The following ITGB5 variants were observed in gnomAD, a reference collection of about 807,000 sequenced individuals.
ITGB5 encodes the protein integrin beta-5.
Under a neutral mutation model 84.8 loss-of-function variants are expected in ITGB5, and 38 were observed. That is an observed-to-expected ratio of 0.45 (90% confidence interval 0.35 to 0.59). ITGB5 has a LOEUF of 0.59. Among genes scored for constraint, ITGB5 ranks in the 20% least tolerant of loss-of-function variants. The pLI, the probability that ITGB5 is intolerant of heterozygous loss-of-function variation, is 0.01. For synonymous variants in ITGB5, 393 were observed against 414.4 expected, an observed-to-expected ratio of 0.95 and a Z score of 0.63; for missense variants, 905 against 1,034.5, an observed-to-expected ratio of 0.87 and a Z score of 1.72.
intron 10 of ITGB5, among the ~76,000 whole-genome samples, chr3:124,776,695 C>T (rs1559927272): frequency 1.3e-5 from 2 of 152,236 alleles, no homozygotes; most frequent in Admixed American, 1.3e-4. Context: ...ATCCCCACAA[C>T]ACAAACATAT....
At chr3:124,820,196 C>T (rs1168579284) in intron 6 of ITGB5, among the ~76,000 whole-genome samples, 2 of 152,204 alleles carry the variant, frequency 1.3e-5, no homozygotes, top group Non-Finnish European at 2.9e-5. Flanking sequence ...TACCCTCTGT[C>T]ATCAGTGCCT....
At chr3:124,890,014 C>CTCAA (rs150213602), upstream of ITGB5, among the ~76,000 whole-genome samples, 5,478 of 151,736 alleles carry the variant, frequency 0.036, 316 homozygotes, top group African/African-American at 0.12. Context: ...GAGACTCTGT[C>CTCAA]TCAATCAATC....
intron 11 of ITGB5, chr3:124,770,214 G>GC (rs1018761023): frequency 2.0e-5 from 3 of 152,368 alleles, no homozygotes; most frequent in African/African-American, 7.2e-5. Flanking sequence ...GGAGGAGTGG[G>GC]CTGGGGCATG....
intron 2 of ITGB5, among the ~76,000 whole-genome samples, chr3:124,865,333 A>G (rs55642528): frequency 0.03 from 4,615 of 152,160 alleles, 234 homozygotes; most frequent in African/African-American, 0.11. Context: ...CTGCTTGCAG[A>G]TGCTCCCCAT....
chr3:124,838,374 TTC>T, intron 5 of ITGB5, among the ~76,000 whole-genome samples: 1 of 152,200 alleles, frequency 6.6e-6, no homozygotes, highest in East Asian at 1.9e-4. Flanking sequence ...TCCACATTTT[TTC>T]TTTCTTTTGT....
chr3:124,818,022 C>G (rs1012585452), intron 7 of ITGB5, among the ~76,000 whole-genome samples: 13 of 151,992 alleles, frequency 8.6e-5, no homozygotes, highest in Non-Finnish European at 1.6e-4. Flanking sequence ...TGTAAAAGCC[C>G]ATCTTCTAAG....
chr3:124,898,420 G>A (rs986622014), intron 1 of ITGB5, among the ~76,000 whole-genome samples: 69 of 151,330 alleles, frequency 4.6e-4, no homozygotes, highest in Non-Finnish European at 9.6e-4. Flanking sequence ...GAGGCAGGCG[G>A]ATCACGACGT....
chr3:124,821,551 C>T, intron 5 of ITGB5, 77 bp from the exon 6 acceptor site: 1 of 1,499,224 alleles, frequency 6.7e-7, no homozygotes, highest in Non-Finnish European at 9.2e-7. Flanking sequence ...ACTGGCCCCT[C>T]TCCAGGAGTC....
rs1479528864 is a variant in ITGB5 at position 124,762,617 on chromosome 3, A to G, written c.*1006T>C. ...GGAACTGCTATTGCTAATGATGATT[A>G]AGAGATGACTTCGTGTGGGAACCAC... On this transcript the variant is annotated 3_prime_UTR_variant, in exon 15 of 15. Coordinates refer to ENST00000296181, the MANE Select transcript of ITGB5 (RefSeq NM_002213.5). 2.6e-5 allele frequency: 4 copies of G among 152,256 alleles called. No homozygotes were observed. The highest frequency in any genetic ancestry group is 9.6e-5 in the African/African-American group (4 of 41,460). The allele number at this position is 152,256 out of a possible 1,614,324, so 9.4% of individuals were successfully genotyped here.
chr3:124,779,855 G>T (rs1019920127), intron 10 of ITGB5, among the ~76,000 whole-genome samples: 3 of 152,170 alleles, frequency 2.0e-5, no homozygotes, highest in African/African-American at 7.2e-5. Context: ...AGGATGTTCA[G>T]GGGTACCCTT....
In ITGB5 at chr3:124,784,034, T is replaced by C. The variant is rs114607199; in HGVS notation, c.1694-10122A>G. ...CTACATGGGGCATTCTGTATCTGAG[T>C]AGCAAAATACCACTGCTATAAAAAA... On this transcript the variant is annotated intron_variant, in intron 10 of 14. Transcript: ENST00000296181. Among the ~76,000 whole-genome samples the C allele has an allele frequency of 7.2e-3, 1,091 of 152,240 alleles. 12 individuals carry two copies. Among genetic ancestry groups the C allele is most frequent in the African/African-American group, 0.024 (983 of 41,524 alleles).
chr3:124,876,571 A>G lies in ITGB5; in HGVS notation c.71-3040T>C, dbSNP rs149506446. Among the ~76,000 whole-genome samples, 429 of 152,314 alleles carry G rather than the reference A, an allele frequency of 2.8e-3. 2 individuals are homozygous for G. The highest frequency in any genetic ancestry group is 9.9e-3 in the African/African-American group (411 of 41,556). On this transcript the variant is annotated intron_variant, in intron 1 of 14. Coordinates refer to ENST00000296181, the MANE Select transcript of ITGB5 (RefSeq NM_002213.5). Reference sequence around the variant, plus strand: ...GGGACTTTAGAAGGAAGAAATACCAATTGGCATAAGGATAGTAGCTGGGAC... The same window carrying G: ...GGGACTTTAGAAGGAAGAAATACCAGTTGGCATAAGGATAGTAGCTGGGAC...
intron 8 of ITGB5, 49 bp downstream of exon 8, chr3:124,817,572 G>T (rs370669594): frequency 7.2e-5 from 74 of 1,026,894 alleles, no homozygotes; most frequent in Middle Eastern, 4.2e-4. Flanking sequence ...GGCCTCAGTG[G>T]GAGAGGGTGG....
chr3:124,887,536 G>A, upstream of ITGB5: 1 of 256,562 alleles, frequency 3.9e-6, no homozygotes, highest in South Asian at 3.3e-5. Context: ...GCTCCGCCCT[G>A]TGCGGGGACC....
chr3:124,819,654 T>G, intron 7 of ITGB5, 85 bp downstream of exon 7: 1 of 969,308 alleles, frequency 1.0e-6, no homozygotes. Flanking sequence ...CTCCTTTGAA[T>G]TTCCCCCAGA....
chr3:124,900,783 G>T (rs1374759086), intron 1 of ITGB5, among the ~76,000 whole-genome samples: 3 of 152,084 alleles, frequency 2.0e-5, no homozygotes, highest in Non-Finnish European at 4.4e-5. Flanking sequence ...TTTAACTGAA[G>T]AATTTTTCAA....
chr3:124,841,357 G>A (rs759331001), intron 5 of ITGB5, 26 bp downstream of exon 5: 15 of 1,607,868 alleles, frequency 9.3e-6, no homozygotes, highest in Non-Finnish European at 1.2e-5. Context: ...TCCCCATGCA[G>A]GGACAGGACC....
intron 11 of ITGB5, 94 bp from the exon 12 acceptor site, chr3:124,769,207 C>T: frequency 1.2e-6 from 1 of 859,272 alleles, no homozygotes; most frequent in Non-Finnish European, 1.8e-6. Flanking sequence ...CCTGGGAAGG[C>T]TTTCACTTCT....
chr3:124,787,471 G>A (rs1275101099), intron 10 of ITGB5: 1 of 152,136 alleles, frequency 6.6e-6, no homozygotes, highest in Non-Finnish European at 1.5e-5. Flanking sequence ...CTTATTTCCA[G>A]AAAGTTTCAA....
Sources: gnomAD v4.1 joint callset for allele counts (sites outside exome capture counted in the v4.1 genomes callset) on GRCh38, gnomAD v4.1.1 for gene constraint, MANE v1.5 for transcripts, NCBI Gene and HGNC (gene_info 2026-07-23, HGNC 2026-07-21) for gene names.